TMEM132C: variants seen among roughly 807,000 people sequenced by gnomAD.
TMEM132C encodes the protein protein phosphatase 1, regulatory subunit 152.
TMEM132C carries 29 observed loss-of-function variants against 61.4 expected under a neutral mutation model. The observed-to-expected ratio is 0.47, with a 90% CI of 0.35 to 0.64. The LOEUF is 0.64. TMEM132C is among the 30% of genes least tolerant of loss of function. The pLI is 0.00. For missense variants in TMEM132C, 1,408 were observed against 1,476.9 expected (o/e 0.95, Z 0.76); for synonymous variants, 656 against 633.1 (o/e 1.04, Z -0.54).
chr12:128,444,454 T>C (rs1310400524), intron 2 of TMEM132C, among the ~76,000 whole-genome samples: 1 of 152,116 alleles, frequency 6.6e-6, no homozygotes, highest in African/African-American at 2.4e-5. Context: ...ATGGGGAACT[T>C]TTTGTAAAGA....
In TMEM132C at chr12:128,267,324, A is replaced by G; in HGVS notation, c.-79A>G. The G allele has an allele frequency of 1.1e-6, 1 of 893,714 alleles. No individual in the cohort carries two copies. The highest frequency in any genetic ancestry group is 1.3e-6 in the Non-Finnish European group (1 of 749,028). The allele number at this position is 893,714 out of a possible 1,614,324, so 55.4% of individuals were successfully genotyped here. A position where few individuals can be genotyped will look rare whatever the true frequency, so the allele number is the denominator to read the frequency against. ...CCGGGCTGCGGGAGTGGCCCCGGGC[A>G]TGGGGCGGCCGGCGGGGGCCGCGGG... On this transcript the variant is annotated 5_prime_UTR_variant, in exon 1 of 9. The change abolishes an upstream ATG in the 5' untranslated region. Coordinates refer to ENST00000435159, the MANE Select transcript of TMEM132C (RefSeq NM_001136103.3).
chr12:128,409,587 CT>C (rs1868454198), intron 1 of TMEM132C, among the ~76,000 whole-genome samples: 1 of 152,166 alleles, frequency 6.6e-6, no homozygotes, highest in African/African-American at 2.4e-5. Flanking sequence ...TTGAGTTTCA[CT>C]TTATAAAGAT....
chr12:128,512,961 G>C (rs749600824), intron 2 of TMEM132C, among the ~76,000 whole-genome samples: 2 of 152,198 alleles, frequency 1.3e-5, no homozygotes, highest in East Asian at 1.9e-4. Context: ...TCTCAGCCAG[G>C]GGGTACAGCA....
intron 1 of TMEM132C, among the ~76,000 whole-genome samples, chr12:128,290,344 G>A (rs1871210369): frequency 6.6e-6 from 1 of 152,152 alleles, no homozygotes. Context: ...GCAGGAGAGA[G>A]AGAGAGTGAA....
At chr12:128,614,135 CTT>C (rs1876722770) in intron 3 of TMEM132C, among the ~76,000 whole-genome samples, 1 of 152,224 alleles carries the variant, frequency 6.6e-6, no homozygotes, top group Non-Finnish European at 1.5e-5. Flanking sequence ...GCTCTTCCTT[CTT>C]GTTTCCACCA....
chr12:128,514,294 G>A (rs563056164), intron 2 of TMEM132C, among the ~76,000 whole-genome samples: 6 of 152,148 alleles, frequency 3.9e-5, no homozygotes, highest in Non-Finnish European at 5.9e-5. Context: ...CAAGCACTCA[G>A]AGAGCTCACA....
At chr12:128,697,437 G>A in intron 8 of TMEM132C, 22 bp downstream of exon 8, 1 of 1,517,950 alleles carries the variant, frequency 6.6e-7, no homozygotes, top group African/African-American at 1.4e-5. Context: ...AATGCCAGAG[G>A]TTCAGAGGGA....
At chr12:128,667,098 GAGAT>G (rs941523268) in intron 4 of TMEM132C, among the ~76,000 whole-genome samples, 44 of 152,196 alleles carry the variant, frequency 2.9e-4, no homozygotes, top group African/African-American at 1.0e-3. Context: ...GATATAGATA[GAGAT>G]AGAGATAGAG....
intron 1 of TMEM132C, among the ~76,000 whole-genome samples, chr12:128,389,386 A>C (rs1874693407): frequency 6.6e-6 from 1 of 152,150 alleles, no homozygotes; most frequent in Non-Finnish European, 1.5e-5. Context: ...ACAGATAGGG[A>C]TGGGGTGAGA....
intron 1 of TMEM132C, among the ~76,000 whole-genome samples, chr12:128,381,402 T>A (rs987713462): frequency 6.6e-6 from 1 of 152,124 alleles, no homozygotes; most frequent in African/African-American, 2.4e-5. Flanking sequence ...AAACTAAAGT[T>A]GTCCATGCCG....
intron 1 of TMEM132C, among the ~76,000 whole-genome samples, chr12:128,327,234 G>A (rs988200935): frequency 6.7e-6 from 1 of 150,110 alleles, no homozygotes; most frequent in South Asian, 2.1e-4. Flanking sequence ...AGGAGTTGTC[G>A]ACAAAAAGAG....
chr12:128,280,340 A>G (rs980103085), intron 1 of TMEM132C, among the ~76,000 whole-genome samples: 1 of 151,966 alleles, frequency 6.6e-6, no homozygotes, highest in Non-Finnish European at 1.5e-5. Flanking sequence ...GAGTTGTCCT[A>G]CCCTCCCTTG....
At chr12:128,575,464 G>A (rs1459602787) in intron 3 of TMEM132C, among the ~76,000 whole-genome samples, 2 of 151,824 alleles carry the variant, frequency 1.3e-5, no homozygotes, top group Non-Finnish European at 2.9e-5. Context: ...GGGCGACAGA[G>A]TGAGACTCCG....
At chr12:128,585,425 A>G (rs1046753897) in intron 3 of TMEM132C, among the ~76,000 whole-genome samples, 1 of 152,010 alleles carries the variant, frequency 6.6e-6, no homozygotes, top group Non-Finnish European at 1.5e-5. Context: ...CTAAGACCCA[A>G]CCATTCTTGC....
intron 3 of TMEM132C, among the ~76,000 whole-genome samples, chr12:128,579,466 A>G (rs1011430721): frequency 6.6e-6 from 1 of 152,166 alleles, no homozygotes; most frequent in Non-Finnish European, 1.5e-5. Flanking sequence ...CCCTCCTCCC[A>G]ACAAACGTCT....
intron 3 of TMEM132C, among the ~76,000 whole-genome samples, chr12:128,613,198 A>G (rs1876690341): frequency 1.3e-5 from 2 of 152,200 alleles, no homozygotes; most frequent in Non-Finnish European, 2.9e-5. Context: ...AGAGTCAGTC[A>G]AGTAGCCATG....
intron 5 of TMEM132C, among the ~76,000 whole-genome samples, chr12:128,681,684 C>A (rs1172959325): frequency 6.8e-6 from 1 of 147,330 alleles, no homozygotes; most frequent in African/African-American, 2.5e-5. Flanking sequence ...GACAGAGTCT[C>A]ACCCTATCTC....
At chr12:128,688,339 C>G (rs1465523337) in intron 5 of TMEM132C, among the ~76,000 whole-genome samples, 1 of 152,188 alleles carries the variant, frequency 6.6e-6, no homozygotes, top group Non-Finnish European at 1.5e-5. Context: ...CTTGGATGAG[C>G]CGCAGCCATG....
intron 3 of TMEM132C, among the ~76,000 whole-genome samples, chr12:128,610,588 T>C (rs1045665239): frequency 4.6e-5 from 7 of 152,182 alleles, no homozygotes; most frequent in Admixed American, 2.6e-4. Context: ...CTGGAGTCAC[T>C]TAAGTGTTTA....
Sources: allele counts gnomAD v4.1 joint callset (sites outside exome capture counted in the v4.1 genomes callset), GRCh38; gene constraint gnomAD v4.1.1; transcripts MANE v1.5; gene names NCBI Gene and HGNC (gene_info 2026-07-23, HGNC 2026-07-21).